The following LRRC37A2 variants were observed in gnomAD, a reference collection of about 807,000 sequenced individuals.
LRRC37A2 encodes the protein leucine-rich repeat-containing protein 37A2.
In LRRC37A2, 9 loss-of-function variants were observed where a neutral mutation model predicts 68.8. That is an observed-to-expected ratio of 0.13 (90% CI 0.08 to 0.23). The LOEUF (loss-of-function observed/expected upper bound fraction) is 0.23. LRRC37A2 is among the 10% of genes least tolerant of loss of function. The pLI, the probability that LRRC37A2 is intolerant of heterozygous loss-of-function variation, is 1.00. For missense variants in LRRC37A2, 168 were observed against 950.4 expected, an observed-to-expected ratio of 0.18 and a Z score of 10.82; for synonymous variants, 63 against 367.6, an observed-to-expected ratio of 0.17 and a Z score of 9.48.
the LRRC37A2 span, chr17:47,019,854 T>G: frequency 1.2e-5 from 13 of 1,085,492 alleles, no homozygotes; most frequent in Non-Finnish European, 1.4e-5. Flanking sequence ...CATGGCAGCC[T>G]TTTCCTGGAG....
the LRRC37A2 span, among the ~76,000 whole-genome samples, chr17:46,974,137 C>G: frequency 6.6e-6 from 1 of 152,226 alleles, no homozygotes; most frequent in African/African-American, 2.4e-5. Context: ...AAGTACTATC[C>G]CCGACTCAGA....
chr17:46,908,744 G>A, the LRRC37A2 span, among the ~76,000 whole-genome samples: 1 of 152,118 alleles, frequency 6.6e-6, no homozygotes. Flanking sequence ...TGCCTCCCAG[G>A]GGCCTCCGTG....
chr17:46,863,544 G>A, the LRRC37A2 span, among the ~76,000 whole-genome samples: 69 of 152,294 alleles, frequency 4.5e-4, no homozygotes, highest in African/African-American at 1.5e-3. Flanking sequence ...GGTTAGAGGG[G>A]GATGGGGCTG....
chr17:46,874,118 C>G, the LRRC37A2 span, among the ~76,000 whole-genome samples: 2 of 152,146 alleles, frequency 1.3e-5, no homozygotes. Flanking sequence ...ATCACCAGCA[C>G]CCAGATGCAC....
the LRRC37A2 span, among the ~76,000 whole-genome samples, chr17:47,027,002 C>G: frequency 1.3e-5 from 2 of 152,122 alleles, no homozygotes; most frequent in Admixed American, 6.5e-5. Context: ...GCTCCACCTC[C>G]TGGGTTCATG....
the LRRC37A2 span, among the ~76,000 whole-genome samples, chr17:46,882,423 G>A: frequency 2.6e-5 from 4 of 152,160 alleles, no homozygotes; most frequent in African/African-American, 9.7e-5. Context: ...TGGGTGATGT[G>A]TATCCTATTC....
chr17:46,545,852 G>A (rs1411047550), intron 8 of LRRC37A2, among the ~76,000 whole-genome samples: 4 of 150,254 alleles, frequency 2.7e-5, no homozygotes, highest in Admixed American at 1.3e-4. Context: ...AATGCCCAGA[G>A]TAATTTATAA....
the LRRC37A2 span, among the ~76,000 whole-genome samples, chr17:46,921,550 A>C: frequency 5.3e-5 from 8 of 151,736 alleles, no homozygotes; most frequent in South Asian, 2.1e-4. Context: ...CAGGCAACCT[A>C]CAGAATGGGA....
the LRRC37A2 span, chr17:46,923,575 C>T: frequency 1.5e-6 from 2 of 1,302,930 alleles, no homozygotes; most frequent in South Asian, 2.7e-5. Flanking sequence ...AGAGGAGACA[C>T]GGAGTAGGAG....
At chr17:46,832,178 C>T in the LRRC37A2 span, among the ~76,000 whole-genome samples, 2 of 152,186 alleles carry the variant, frequency 1.3e-5, no homozygotes, top group African/African-American at 4.8e-5. Context: ...GTGCTGGTGG[C>T]TGCCCCTCAC....
chr17:46,764,682 G>A, the LRRC37A2 span: 1 of 152,256 alleles, frequency 6.6e-6, no homozygotes, highest in Non-Finnish European at 1.5e-5. Flanking sequence ...ACCACCCATT[G>A]GGGTTCAAAG....
the LRRC37A2 span, among the ~76,000 whole-genome samples, chr17:46,895,919 G>C: frequency 6.6e-6 from 1 of 152,102 alleles, no homozygotes; most frequent in African/African-American, 2.4e-5. Context: ...TGGGAGCCTG[G>C]TGCTGGGCAG....
At chr17:46,861,625 T>C in the LRRC37A2 span, among the ~76,000 whole-genome samples, 1 of 152,146 alleles carries the variant, frequency 6.6e-6, no homozygotes, top group African/African-American at 2.4e-5. Context: ...GGCATGCTGG[T>C]AGCAGCAGAC....
At chr17:46,832,988 T>C in the LRRC37A2 span, 1 of 208,174 alleles carries the variant, frequency 4.8e-6, no homozygotes, top group South Asian at 7.5e-5. Context: ...ACGGATGCCA[T>C]GGTGGGAACA....
At chr17:47,027,970 A>T in the LRRC37A2 span, among the ~76,000 whole-genome samples, 194 of 152,302 alleles carry the variant, frequency 1.3e-3, no homozygotes, top group African/African-American at 4.4e-3. Context: ...GTATAAGACA[A>T]ACCCCCATGG....
chr17:46,946,893 C>T, the LRRC37A2 span, among the ~76,000 whole-genome samples: 59 of 152,216 alleles, frequency 3.9e-4, no homozygotes, highest in African/African-American at 1.3e-3. Context: ...TATGAGATGT[C>T]GCGGGGCAGC....
At chr17:46,971,086 C>G in the LRRC37A2 span, among the ~76,000 whole-genome samples, 1 of 152,226 alleles carries the variant, frequency 6.6e-6, no homozygotes, top group Non-Finnish European at 1.5e-5. Flanking sequence ...TGCGGTGGCT[C>G]ATGCCTGTAA....
the LRRC37A2 span, among the ~76,000 whole-genome samples, chr17:46,675,770 C>A: frequency 8.8e-6 from 1 of 114,272 alleles, no homozygotes; most frequent in Admixed American, 1.1e-4. Context: ...CTGGTTCTAG[C>A]AATACAGTAG....
chr17:46,926,381 C>T, the LRRC37A2 span, among the ~76,000 whole-genome samples: 7 of 152,112 alleles, frequency 4.6e-5, no homozygotes, highest in Non-Finnish European at 7.4e-5. Context: ...TGGTGGGGGG[C>T]GGTGAGTAGT....
Sources: allele counts gnomAD v4.1 joint callset (sites outside exome capture counted in the v4.1 genomes callset), GRCh38; gene constraint gnomAD v4.1.1; transcripts MANE v1.5; gene names NCBI Gene and HGNC (gene_info 2026-07-23, HGNC 2026-07-21).